VOPP1: variants seen among roughly 807,000 people sequenced by gnomAD.
The protein encoded by VOPP1 is WW domain binding protein VOPP1.
VOPP1 carries 8 observed loss-of-function variants against 23.5 expected under a neutral mutation model. That is an observed-to-expected ratio of 0.34 (90% CI 0.20 to 0.61). The LOEUF (loss-of-function observed/expected upper bound fraction) is 0.61. Among genes scored for constraint, VOPP1 ranks in the 20% least tolerant of loss-of-function variants. The pLI, the probability that VOPP1 is intolerant of heterozygous loss-of-function variation, is 0.78. For missense variants in VOPP1, 174 were observed against 238.1 expected (o/e 0.73, Z 1.77); for synonymous variants, 83 against 97.3 (o/e 0.85, Z 0.86).
chr7:55,532,342 G>A (rs1796541327), intron 1 of VOPP1, among the ~76,000 whole-genome samples: 1 of 152,226 alleles, frequency 6.6e-6, no homozygotes, highest in Admixed American at 6.5e-5. Flanking sequence ...ACAGACTGGA[G>A]AGAGGTATTT....
At chr7:55,456,962 A>G (rs1242464746) in intron 4 of VOPP1, among the ~76,000 whole-genome samples, 1 of 152,126 alleles carries the variant, frequency 6.6e-6, no homozygotes, top group Non-Finnish European at 1.5e-5. Context: ...ATTCTCTTCT[A>G]GCTATTATAA....
chr7:55,558,215 T>C (rs953442804), intron 1 of VOPP1, among the ~76,000 whole-genome samples: 3 of 151,622 alleles, frequency 2.0e-5, no homozygotes, highest in African/African-American at 7.3e-5. Context: ...TGACACACAA[T>C]AATAATAATA....
chr7:55,459,810 A>T (rs111969436), intron 4 of VOPP1, among the ~76,000 whole-genome samples: 1,830 of 151,670 alleles, frequency 0.012, 14 homozygotes, highest in Admixed American at 0.021. Flanking sequence ...TCTTTTTTTT[A>T]AAACACGCAC....
Position 55,521,097 on chromosome 7 carries a change from C to T in VOPP1, c.88G>A (p.Glu30Lys). Residue 30 changes from glutamate (E) to lysine (K), a missense_variant, in exon 2 of 5, where the codon GAA becomes AAA. By Grantham distance (56) the Glu-to-Lys change is moderately conservative. Coordinates refer to ENST00000285279, the MANE Select transcript of VOPP1 (RefSeq NM_030796.5). ...ATATAATAGGTTGGATAGAGTCCTT[C>T]GAAATACCAGCAATGCTTTTTGGCT... ...TEAKKHCWYF[E>K]GLYPTYYICR... 2 of 1,583,594 alleles carry T rather than the reference C, an allele frequency of 1.3e-6. No individual in the cohort carries two copies. The highest frequency in any genetic ancestry group is 8.6e-7 in the Non-Finnish European group (1 of 1,163,812).
chr7:55,564,243 G>GTCTCTGTCTCTCTCTCTCTGTC (rs1554302403), intron 1 of VOPP1, among the ~76,000 whole-genome samples: 1 of 125,896 alleles, frequency 7.9e-6, no homozygotes, highest in South Asian at 2.8e-4. Context: ...CTCTGTCTCT[G>GTCTCTGTCTCTCTCTCTCTGTC]TCTCTCTCTC....
At chr7:55,486,579 T>C (rs1048011849) in intron 4 of VOPP1, among the ~76,000 whole-genome samples, 1 of 152,178 alleles carries the variant, frequency 6.6e-6, no homozygotes, top group African/African-American at 2.4e-5. Flanking sequence ...GCCCGCCATA[T>C]TGGGAGGCCA....
At chr7:55,510,399 T>C (rs528543174) in intron 2 of VOPP1, among the ~76,000 whole-genome samples, 1 of 152,076 alleles carries the variant, frequency 6.6e-6, no homozygotes, top group African/African-American at 2.4e-5. Flanking sequence ...ATAAACTTGT[T>C]TGTGGAGGCC....
At chr7:55,568,173 G>A (rs567267744) in intron 1 of VOPP1, among the ~76,000 whole-genome samples, 6 of 142,000 alleles carry the variant, frequency 4.2e-5, no homozygotes, top group South Asian at 2.3e-4. Context: ...TCCGCCTCCC[G>A]GGTTCACGCC....
At chr7:55,549,912 C>G (rs1208325095) in intron 1 of VOPP1, among the ~76,000 whole-genome samples, 2 of 152,172 alleles carry the variant, frequency 1.3e-5, no homozygotes, top group Admixed American at 1.3e-4. Context: ...AAGACTTTTT[C>G]CCACCCCCAT....
At chr7:55,489,477 T>A (rs1793402155) in intron 4 of VOPP1, among the ~76,000 whole-genome samples, 1 of 152,200 alleles carries the variant, frequency 6.6e-6, no homozygotes, top group Non-Finnish European at 1.5e-5. Flanking sequence ...CATGGTTTCC[T>A]AGCATTCTCA....
intron 1 of VOPP1, among the ~76,000 whole-genome samples, chr7:55,534,068 T>G (rs1267928340): frequency 2.6e-5 from 4 of 151,932 alleles, no homozygotes; most frequent in Non-Finnish European, 5.9e-5. Flanking sequence ...TCAGCTATAA[T>G]TTCTAATAGC....
intron 1 of VOPP1, among the ~76,000 whole-genome samples, chr7:55,543,621 T>C (rs1797235517): frequency 6.6e-6 from 1 of 152,222 alleles, no homozygotes; most frequent in Non-Finnish European, 1.5e-5. Context: ...TGAGGTGATA[T>C]CTCATGGTTT....
intron 4 of VOPP1, among the ~76,000 whole-genome samples, chr7:55,476,429 C>CG (rs1005707729): frequency 9.2e-4 from 7 of 7,626 alleles, no homozygotes; most frequent in South Asian, 3.7e-3. Flanking sequence ...AGTGGCGTGT[C>CG]GGGGGGGTGG....
chr7:55,498,342 T>A (rs928699471), intron 2 of VOPP1, among the ~76,000 whole-genome samples: 1 of 152,036 alleles, frequency 6.6e-6, no homozygotes, highest in African/African-American at 2.4e-5. Context: ...CCTCCCCTCA[T>A]CCCCCAACGT....
intron 4 of VOPP1, among the ~76,000 whole-genome samples, chr7:55,443,941 C>T (rs1791032619): frequency 6.6e-6 from 1 of 152,208 alleles, no homozygotes; most frequent in South Asian, 2.1e-4. Context: ...CCATGCCTGG[C>T]CTATTGTAAT....
chr7:55,502,546 T>C (rs901224476), intron 2 of VOPP1, among the ~76,000 whole-genome samples: 2 of 152,186 alleles, frequency 1.3e-5, no homozygotes, highest in Non-Finnish European at 2.9e-5. Context: ...ATTACCCAGG[T>C]GCTGACACTG....
intron 4 of VOPP1, among the ~76,000 whole-genome samples, chr7:55,450,200 C>G (rs1344391468): frequency 1.3e-5 from 2 of 152,188 alleles, no homozygotes; most frequent in African/African-American, 4.8e-5. Flanking sequence ...ACATTTCGGG[C>G]AGGAGACCTC....
intron 1 of VOPP1, among the ~76,000 whole-genome samples, chr7:55,547,928 T>C (rs2129052828): frequency 6.6e-6 from 1 of 152,282 alleles, no homozygotes; most frequent in South Asian, 2.1e-4. Context: ...TGTCTCTTCT[T>C]CCAACTTCTC....
chr7:55,439,663 G>A (rs116208056), intron 4 of VOPP1, among the ~76,000 whole-genome samples: 402 of 152,326 alleles, frequency 2.6e-3, no homozygotes, highest in African/African-American at 9.5e-3. Context: ...CGACAGGAGC[G>A]CCAACACCGC....
Sources: allele counts gnomAD v4.1 joint callset (sites outside exome capture counted in the v4.1 genomes callset), GRCh38; gene constraint gnomAD v4.1.1; transcripts MANE v1.5; gene names NCBI Gene and HGNC (gene_info 2026-07-23, HGNC 2026-07-21).